The following NSMAF variants were observed in gnomAD, a reference collection of about 807,000 sequenced individuals.
The protein encoded by NSMAF is protein FAN.
Under a neutral mutation model 134.9 loss-of-function variants are expected in NSMAF, and 90 were observed. The ratio of observed to expected loss-of-function variants is 0.67; its 90% CI spans 0.56 to 0.79. The LOEUF (loss-of-function observed/expected upper bound fraction) is 0.79. Among genes scored for constraint, NSMAF ranks in the 30% least tolerant of loss-of-function variants. The pLI is 0.00. For missense variants in NSMAF, 1,010 were observed against 1,119.0 expected (o/e 0.90, Z 1.39); for synonymous variants, 358 against 389.6 (o/e 0.92, Z 0.96).
intron 1 of NSMAF, chr8:58,659,197 T>TC: frequency 1.4e-6 from 2 of 1,442,734 alleles, no homozygotes; most frequent in East Asian, 5.8e-5. Flanking sequence ...GTACTCACCC[T>TC]CCCCTGCGAA....
At chr8:58,586,698 T>C in intron 27 of NSMAF, 90 bp from the exon 28 acceptor site, 1 of 1,056,038 alleles carries the variant, frequency 9.5e-7, no homozygotes, top group Admixed American at 2.3e-5. Flanking sequence ...GTAGTCATCA[T>C]GATATAAATT....
In NSMAF at chr8:58,635,489, T is replaced by C. The variant is rs779657446; in HGVS notation, c.207A>G (p.Ser69=). 1.0e-5 allele frequency: 16 copies of C among 1,605,362 alleles called. No individual in the cohort carries two copies. In the East Asian group the frequency reaches 3.4e-4, roughly 34 times the overall value. The change falls in exon 3 of 31, where the codon TCA becomes TCG. Residue 69 remains serine, a synonymous_variant. Coordinates refer to ENST00000038176, the MANE Select transcript of NSMAF (RefSeq NM_003580.4). Reference sequence around the variant, plus strand: ...TTACCTTGATGATGGGCTGGGATATTGAATCTGGTTCAAAAATCACCGATT... The same window carrying C: ...TTACCTTGATGATGGGCTGGGATATCGAATCTGGTTCAAAAATCACCGATT... The part of the protein sequence containing the change: ...CSKSVIFEPD[S]ISQPIIKIPL...
Position 58,597,850 on chromosome 8 carries a change from A to T in NSMAF, c.1628+10T>A. 6.4e-7 allele frequency: 1 copy of T among 1,567,026 alleles called. No homozygotes were observed. Among genetic ancestry groups the T allele is most frequent in the Non-Finnish European group, 8.8e-7 (1 of 1,138,880 alleles). On this transcript the variant is annotated intron_variant, in intron 20 of 30. Coordinates refer to ENST00000038176, the MANE Select transcript of NSMAF (RefSeq NM_003580.4). ...ACTCAAGTAGAAACTCCTTATTGAC[A>T]TATAAGTACCTGTTCAAGTCTACAC... is the stretch of plus-strand genomic sequence containing the variant.
At chr8:58,623,653 A>G (rs1190574918) in intron 7 of NSMAF, 56 bp downstream of exon 7, 4 of 1,470,616 alleles carry the variant, frequency 2.7e-6, no homozygotes, top group Non-Finnish European at 2.8e-6. Flanking sequence ...TACGAAATTT[A>G]TAAAAACAGT....
Position 58,609,742 on chromosome 8 carries a change from A to G in NSMAF, c.558-9T>C, listed in dbSNP as rs1224463177. On this transcript the variant is annotated splice_polypyrimidine_tract_variant and intron_variant, in intron 9 of 30. Coordinates refer to ENST00000038176, the MANE Select transcript of NSMAF (RefSeq NM_003580.4). ...CAGAAATGTTTTGGAACCTGAAAATAGGTTTTTCAGCAAAAGTAAGAAAAA... is the reference window on the plus strand; with the variant it reads ...CAGAAATGTTTTGGAACCTGAAAATGGGTTTTTCAGCAAAAGTAAGAAAAA... The G allele has an allele frequency of 6.2e-7, 1 of 1,613,604 alleles. No individual in the cohort carries two copies.
intron 1 of NSMAF, among the ~76,000 whole-genome samples, chr8:58,658,320 T>G (rs1305829825): frequency 6.6e-6 from 1 of 152,258 alleles, no homozygotes; most frequent in Non-Finnish European, 1.5e-5. Context: ...CAACCCTTTC[T>G]GTGACTAAAA....
intron 16 of NSMAF, 65 bp from the exon 17 acceptor site, chr8:58,600,086 G>A: frequency 8.7e-7 from 1 of 1,145,466 alleles, no homozygotes; most frequent in Non-Finnish European, 1.3e-6. Context: ...CATTTCCTAT[G>A]CACTTGGGGG....
chr8:58,649,559 T>C (rs916067407), intron 1 of NSMAF, among the ~76,000 whole-genome samples: 1 of 152,164 alleles, frequency 6.6e-6, no homozygotes, highest in East Asian at 1.9e-4. Flanking sequence ...TTACCAATGT[T>C]GAAAGTAGGG....
chr8:58,644,047 A>G (rs972565922), intron 1 of NSMAF, among the ~76,000 whole-genome samples: 1 of 152,236 alleles, frequency 6.6e-6, no homozygotes, highest in African/African-American at 2.4e-5. Flanking sequence ...AAAGAAGTGA[A>G]AACAGGCATT....
chr8:58,600,799 T>G (rs1806262560), intron 16 of NSMAF, among the ~76,000 whole-genome samples: 1 of 152,222 alleles, frequency 6.6e-6, no homozygotes, highest in East Asian at 1.9e-4. Context: ...TCCTTTTTTA[T>G]AGTTGCTGAT....
chr8:58,632,223 C>T (rs1281631768), intron 5 of NSMAF, among the ~76,000 whole-genome samples: 1 of 152,180 alleles, frequency 6.6e-6, no homozygotes, highest in Non-Finnish European at 1.5e-5. Context: ...CCCTTTTACA[C>T]ACACACACCC....
intron 6 of NSMAF, among the ~76,000 whole-genome samples, chr8:58,625,925 T>C (rs1806919001): frequency 6.6e-6 from 1 of 151,966 alleles, no homozygotes. Flanking sequence ...TAAAATTTAT[T>C]TTGATAGTTT....
At chr8:58,595,160 A>AT (rs889566068) in intron 22 of NSMAF, among the ~76,000 whole-genome samples, 4 of 152,130 alleles carry the variant, frequency 2.6e-5, no homozygotes, top group African/African-American at 7.2e-5. Flanking sequence ...GGGAGAGCTA[A>AT]TTTTTTTAAA....
intron 1 of NSMAF, among the ~76,000 whole-genome samples, chr8:58,655,856 G>A (rs1160419724): frequency 4.0e-5 from 6 of 151,634 alleles, no homozygotes; most frequent in African/African-American, 1.5e-4. Context: ...GCAGTGGGCT[G>A]AGATCGTGCC....
chr8:58,659,620 G>T lies in NSMAF; in HGVS notation c.12C>A (p.Ile4=), dbSNP rs762626845. Residue 4 remains isoleucine, a synonymous_variant, in exon 1 of 31, where the codon ATC becomes ATA. Transcript: ENST00000038176. ...GCTGCTGCTCCTGCTGCTTCTTCCGGATAAACGCCATGGAGGGTAGGCGCG... is the reference window on the plus strand; with the variant it reads ...GCTGCTGCTCCTGCTGCTTCTTCCGTATAAACGCCATGGAGGGTAGGCGCG... The part of the protein sequence containing the change: MAF[I]RKKQQEQQLQ... The T allele has an allele frequency of 6.1e-6, 9 of 1,481,248 alleles. No homozygotes were observed. In the Admixed American group the frequency reaches 2.0e-4, roughly 34 times the overall value. 91.8% of individuals were successfully genotyped at this position (1,481,248 alleles called of 1,614,324 possible). A position where few individuals can be genotyped will look rare whatever the true frequency, so the allele number is the denominator to read the frequency against.
chr8:58,647,921 A>C (rs1224033938), intron 1 of NSMAF, among the ~76,000 whole-genome samples: 2 of 152,240 alleles, frequency 1.3e-5, no homozygotes, highest in East Asian at 3.8e-4. Context: ...ACATGGAAGC[A>C]GCTTTGGAAC....
In NSMAF at chr8:58,594,367, A is replaced by C. The variant is rs1806086121; in HGVS notation, c.1893-77T>G. On this transcript the variant is annotated intron_variant, in intron 22 of 30. Coordinates refer to ENST00000038176, the MANE Select transcript of NSMAF (RefSeq NM_003580.4). Reference sequence around the variant, plus strand: ...CCTCTTTGTTTCATATCCTTGATTTAATTTTACCAAGTTTCCTTAATTTTT... The same window carrying C: ...CCTCTTTGTTTCATATCCTTGATTTCATTTTACCAAGTTTCCTTAATTTTT... 11 of 1,331,088 alleles carry C rather than the reference A, an allele frequency of 8.3e-6. No homozygotes were observed. In the South Asian group the frequency reaches 1.3e-4, roughly 16 times the overall value. 82.5% of individuals were successfully genotyped at this position (1,331,088 alleles called of 1,614,324 possible).
intron 6 of NSMAF, among the ~76,000 whole-genome samples, chr8:58,629,966 G>A (rs967869327): frequency 2.0e-5 from 3 of 152,202 alleles, no homozygotes; most frequent in Admixed American, 6.5e-5. Context: ...CTCTGAGACA[G>A]AAGAGACAGA....
At chr8:58,597,236 G>T (rs899281457) in intron 21 of NSMAF, 151 bp downstream of exon 21, 2 of 683,964 alleles carry the variant, frequency 2.9e-6, no homozygotes, top group African/African-American at 3.6e-5. Context: ...GCAAAAACAG[G>T]TATCTGTTTT....
Sources: allele counts gnomAD v4.1 joint callset (sites outside exome capture counted in the v4.1 genomes callset), GRCh38; gene constraint gnomAD v4.1.1; transcripts MANE v1.5; gene names NCBI Gene and HGNC (gene_info 2026-07-23, HGNC 2026-07-21).